Variants in OLAH observed in about 807,000 individuals in gnomAD.
OLAH encodes S-acyl fatty acid synthase thioesterase, medium chain.
A neutral mutation model predicts 27.8 loss-of-function variants in OLAH; 33 were observed. The ratio of observed to expected loss-of-function variants is 1.19; its 90% confidence interval spans 0.90 to 1.59. The LOEUF is 1.59. Ranked by LOEUF, OLAH falls within the 40% of genes most tolerant of loss-of-function variation. The probability of loss-of-function intolerance (pLI) is 0.00; values close to 1 mark genes in which losing one functional copy is unlikely to be tolerated. For missense variants in OLAH, 359 were observed against 310.8 expected (o/e 1.16, Z -1.17); for synonymous variants, 120 against 102.9 (o/e 1.17, Z -1.01).
chr10:15,063,568 G>A (rs1249119987), intron 4 of OLAH, among the ~76,000 whole-genome samples: 1 of 152,058 alleles, frequency 6.6e-6, no homozygotes, highest in African/African-American at 2.4e-5. Flanking sequence ...TGGCAGTTTT[G>A]TCAACCAAAT....
At chr10:15,046,018 G>C (rs572059378) in intron 1 of OLAH, among the ~76,000 whole-genome samples, 199 of 152,214 alleles carry the variant, frequency 1.3e-3, no homozygotes, top group African/African-American at 4.6e-3. Flanking sequence ...GCGATAGAGC[G>C]AGATTCAGTC....
chr10:15,034,804 CTTT>C (rs71505056), intron 1 of OLAH, among the ~76,000 whole-genome samples: 3 of 83,472 alleles, frequency 3.6e-5, no homozygotes, highest in Admixed American at 1.2e-4. Flanking sequence ...TTCTTTCTTT[CTTT>C]TTTTTTTTTT....
intron 1 of OLAH, among the ~76,000 whole-genome samples, chr10:15,033,463 A>C (rs1015676221): frequency 3.3e-5 from 5 of 152,128 alleles, no homozygotes; most frequent in Non-Finnish European, 7.4e-5. Flanking sequence ...GAAGAAGAGA[A>C]GGAGGAGAGA....
At chr10:15,065,052 C>G (rs1844441329) in intron 5 of OLAH, among the ~76,000 whole-genome samples, 1 of 152,216 alleles carries the variant, frequency 6.6e-6, no homozygotes, top group South Asian at 2.1e-4. Context: ...ATATCATTCT[C>G]TGTTTCCCTG....
At chr10:15,058,620 T>TG (rs1196971167) in intron 3 of OLAH, among the ~76,000 whole-genome samples, 9 of 152,236 alleles carry the variant, frequency 5.9e-5, no homozygotes, top group African/African-American at 1.9e-4. Flanking sequence ...TCTGAGTTTG[T>TG]GGGGGGGAAA....
At chr10:15,056,851 C>G (rs758280964) in intron 3 of OLAH, 62 of 1,514,926 alleles carry the variant, frequency 4.1e-5, no homozygotes, top group Non-Finnish European at 5.2e-5. Flanking sequence ...GTTGCCAAGG[C>G]TGGTCTCAAA....
chr10:15,073,453 G>A lies in OLAH; in HGVS notation c.*224G>A. 1 of 405,678 alleles carries A rather than the reference G, an allele frequency of 2.5e-6. No homozygotes were observed. Among genetic ancestry groups the A allele is most frequent in the Non-Finnish European group, 4.4e-6 (1 of 225,214 alleles). The allele number at this position is 405,678 out of a possible 1,614,324, so 25.1% of individuals were successfully genotyped here. On this transcript the variant is annotated 3_prime_UTR_variant, in exon 8 of 8. Transcript: ENST00000378228. ...AGGCGGGCGGATCACGAGGTCAGGAGATCGAGACCGTCCTGGCTAACACCG... is the reference window on the plus strand; with the variant it reads ...AGGCGGGCGGATCACGAGGTCAGGAAATCGAGACCGTCCTGGCTAACACCG...
At chr10:15,037,829 C>G (rs1284163826) in intron 1 of OLAH, among the ~76,000 whole-genome samples, 1 of 152,230 alleles carries the variant, frequency 6.6e-6, no homozygotes, top group African/African-American at 2.4e-5. Flanking sequence ...AATGTAAGCT[C>G]TGTTCTTTAT....
intron 6 of OLAH, chr10:15,067,966 A>G (rs1362468757): frequency 6.6e-6 from 1 of 152,236 alleles, no homozygotes; most frequent in Non-Finnish European, 1.5e-5. Context: ...TCCTGATGCC[A>G]CATACACTAG....
intron 2 of OLAH, among the ~76,000 whole-genome samples, chr10:15,047,779 C>T (rs1046228514): frequency 1.3e-5 from 2 of 152,172 alleles, no homozygotes; most frequent in South Asian, 4.1e-4. Flanking sequence ...AAGTAAAAAG[C>T]AGTGAGTTTT....
At chr10:15,045,954 C>G (rs1225761912) in intron 1 of OLAH, among the ~76,000 whole-genome samples, 1 of 151,776 alleles carries the variant, frequency 6.6e-6, no homozygotes, top group African/African-American at 2.4e-5. Context: ...TTGCCTGAAC[C>G]TGGGAGGTAG....
At chr10:15,050,079 A>C (rs760086751) in intron 3 of OLAH, among the ~76,000 whole-genome samples, 12 of 152,094 alleles carry the variant, frequency 7.9e-5, no homozygotes, top group African/African-American at 2.7e-4. Flanking sequence ...GATGTGTTCT[A>C]TTTTCCCTTT....
chr10:15,045,287 G>C (rs1018389533), intron 1 of OLAH, among the ~76,000 whole-genome samples: 2 of 152,154 alleles, frequency 1.3e-5, no homozygotes, highest in Admixed American at 6.5e-5. Flanking sequence ...ACTTCAATTA[G>C]AAGGAGTTGG....
chr10:15,059,191 T>A (rs1235485821), intron 3 of OLAH, among the ~76,000 whole-genome samples: 2 of 99,930 alleles, frequency 2.0e-5, no homozygotes, highest in Non-Finnish European at 4.0e-5. Context: ...TTCCCTCCCC[T>A]CCATCTGTCC....
At chr10:15,035,131 T>C (rs1403957143) in intron 1 of OLAH, among the ~76,000 whole-genome samples, 3 of 151,910 alleles carry the variant, frequency 2.0e-5, no homozygotes, top group Non-Finnish European at 2.9e-5. Context: ...AAGTAGGAGT[T>C]TGCTAGCAGA....
rs1843787844 is a variant in OLAH, at chr10:15,033,280, T to C, written c.-164+930T>C. Among the ~76,000 whole-genome samples the C allele has an allele frequency of 2.0e-5, 3 of 152,174 alleles. No homozygotes were observed. The South Asian group carries it at 6.2e-4, about 31-fold the overall frequency. ...ATGGTTCCCTAATTTTTAAGGCACATATTTGAATTTCTGGACTGACTGAAT... is the reference window on the plus strand; with the variant it reads ...ATGGTTCCCTAATTTTTAAGGCACACATTTGAATTTCTGGACTGACTGAAT... On this transcript the variant is annotated intron_variant, in intron 1 of 3. Coordinates refer to the OLAH transcript ENST00000413672.
intron 5 of OLAH, 94 bp downstream of exon 5, chr10:15,064,596 T>G (rs1844430870): frequency 2.9e-6 from 2 of 692,670 alleles, no homozygotes; most frequent in Admixed American, 6.6e-5. Context: ...TGAATTCTGG[T>G]CCAGTATGAT....
intron 7 of OLAH, among the ~76,000 whole-genome samples, chr10:15,072,680 G>A (rs1412564793): frequency 6.6e-6 from 1 of 151,816 alleles, no homozygotes; most frequent in Non-Finnish European, 1.5e-5. Context: ...GTCTCTGGGA[G>A]GAGGGGAGGC....
At chr10:15,068,342 T>C (rs1844507318) in intron 6 of OLAH, among the ~76,000 whole-genome samples, 1 of 152,192 alleles carries the variant, frequency 6.6e-6, no homozygotes, top group South Asian at 2.1e-4. Flanking sequence ...TTGACTGCTT[T>C]GCCTCTTAAC....
Sources: allele counts gnomAD v4.1 joint callset (sites outside exome capture counted in the v4.1 genomes callset), GRCh38; gene constraint gnomAD v4.1.1; transcripts MANE v1.5; gene names NCBI Gene and HGNC (gene_info 2026-07-23, HGNC 2026-07-21).